LAMB4: variants seen among roughly 807,000 people sequenced by gnomAD.
LAMB4 encodes the protein laminin subunit beta 4.
A neutral mutation model predicts 199.2 loss-of-function variants in LAMB4; 196 were observed. That is an observed-to-expected ratio of 0.98 (90% CI 0.88 to 1.11). The LOEUF (loss-of-function observed/expected upper bound fraction) is 1.11. Ranked by LOEUF, LAMB4 falls within the 50% of genes least tolerant of loss-of-function variation. LAMB4 has a pLI of 0.00. For synonymous variants in LAMB4, 744 were observed against 770.6 expected (o/e 0.97, Z 0.57); for missense variants, 2,080 against 2,171.2 (o/e 0.96, Z 0.83).
intron 2 of LAMB4, among the ~76,000 whole-genome samples, chr7:108,117,473 G>GTAAA (rs1396463978): frequency 9.2e-5 from 14 of 152,146 alleles, no homozygotes; most frequent in African/African-American, 3.1e-4. Flanking sequence ...GAATCTTACT[G>GTAAA]GGGGTTAAGA....
intron 8 of LAMB4, 55 bp downstream of exon 8, chr7:108,105,762 A>T: frequency 6.9e-7 from 1 of 1,443,068 alleles, no homozygotes; most frequent in East Asian, 2.3e-5. Flanking sequence ...ATATAGCACC[A>T]GGACAGTGAA....
At chr7:108,098,378 C>CCT in intron 11 of LAMB4, 25 bp downstream of exon 11, 1 of 1,493,262 alleles carries the variant, frequency 6.7e-7, no homozygotes, top group Non-Finnish European at 8.9e-7. Context: ...ATGGACACTC[C>CCT]CCCGACCCCC....
At chr7:108,104,189 A>G (rs1288609670) in intron 9 of LAMB4, among the ~76,000 whole-genome samples, 1 of 152,146 alleles carries the variant, frequency 6.6e-6, no homozygotes, top group Non-Finnish European at 1.5e-5. Flanking sequence ...GTGTTCACCA[A>G]ATTCTTGGAG....
At chr7:108,067,995 C>G (rs1486486312) in intron 19 of LAMB4, 21 bp downstream of exon 19, 1 of 1,614,106 alleles carries the variant, frequency 6.2e-7, no homozygotes, top group Non-Finnish European at 8.5e-7. Context: ...AGTGTTTCCC[C>G]TTGTGTGTTT....
In LAMB4 at chr7:108,105,883, A is replaced by T. The variant is rs556427660; in HGVS notation, c.804T>A (p.Asn268Lys). The T allele has an allele frequency of 2.6e-5, 42 of 1,614,272 alleles. No homozygotes were observed. In the East Asian group the frequency reaches 8.5e-4, roughly 33 times the overall value. The change falls in exon 8 of 34, where the codon AAT becomes AAA. Residue 268 changes from asparagine to lysine, a missense_variant. By Grantham distance (94) the Asn-to-Lys change is moderately conservative (BLOSUM62 0). Coordinates refer to ENST00000388781, the MANE Select transcript of LAMB4 (RefSeq NM_007356.3). The part of the protein sequence containing the change: ...EMIVRGSCFC[N>K]GHASECRPMQ... ...TAGGGCGACATTCGCTAGCATGGCC[A>T]TTGCAAAAGCAGCTTCCCCGAACAA...
At chr7:108,025,745 G>T (rs1732163) in intron 33 of LAMB4, among the ~76,000 whole-genome samples, 30,653 of 151,980 alleles carry the variant, frequency 0.2, 7,206 homozygotes, top group African/African-American at 0.58. Context: ...TCAAATGTAG[G>T]TTATTTGGGA....
chr7:108,056,971 CAA>C (rs553536221), intron 24 of LAMB4, among the ~76,000 whole-genome samples: 69 of 51,738 alleles, frequency 1.3e-3, no homozygotes, highest in Middle Eastern at 0.01. Flanking sequence ...GACCCTGTCT[CAA>C]AAAAAAAAAA....
At chr7:108,032,005 C>A (rs539464463) in intron 31 of LAMB4, among the ~76,000 whole-genome samples, 43 of 152,252 alleles carry the variant, frequency 2.8e-4, no homozygotes, top group African/African-American at 1.0e-3. Context: ...AGTAAACAAT[C>A]TTATTTTGTA....
intron 18 of LAMB4, 129 bp downstream of exon 18, chr7:108,069,579 G>GTAC (rs1474448180): frequency 1.3e-6 from 1 of 772,418 alleles, no homozygotes; most frequent in East Asian, 2.5e-5. Context: ...ACCACTCTGT[G>GTAC]TATCTAATCA....
intron 23 of LAMB4, 36 bp downstream of exon 23, chr7:108,062,738 A>G (rs763402681): frequency 8.2e-7 from 1 of 1,212,542 alleles, no homozygotes; most frequent in East Asian, 2.8e-5. Flanking sequence ...TATCATGCTC[A>G]CTTTGAGTGC....
chr7:108,065,409 T>C (rs1563060002), intron 21 of LAMB4, among the ~76,000 whole-genome samples: 1 of 152,264 alleles, frequency 6.6e-6, no homozygotes, highest in Non-Finnish European at 1.5e-5. Context: ...ATTTATTTTT[T>C]AGTTGCTTGT....
At chr7:108,082,881 A>C (rs2037010037) in intron 14 of LAMB4, among the ~76,000 whole-genome samples, 1 of 152,134 alleles carries the variant, frequency 6.6e-6, no homozygotes, top group African/African-American at 2.4e-5. Context: ...TTAAAGCACC[A>C]GTCTTGTTTC....
At chr7:108,082,228 G>A (rs1481523374) in intron 14 of LAMB4, among the ~76,000 whole-genome samples, 2 of 151,938 alleles carry the variant, frequency 1.3e-5, no homozygotes, top group African/African-American at 4.8e-5. Context: ...TACTTGGGAG[G>A]CTGAGGCAGG....
At chr7:108,037,080 C>T (rs1292378811) in intron 30 of LAMB4, among the ~76,000 whole-genome samples, 1 of 151,898 alleles carries the variant, frequency 6.6e-6, no homozygotes, top group East Asian at 1.9e-4. Flanking sequence ...ATTCCAACCA[C>T]CTGTTAAAGT....
intron 16 of LAMB4, among the ~76,000 whole-genome samples, chr7:108,077,840 T>A (rs751447993): frequency 6.6e-6 from 1 of 152,248 alleles, no homozygotes; most frequent in Admixed American, 6.5e-5. Context: ...TTTTCCTTTC[T>A]TACATTTCAA....
At chr7:108,120,843 T>C (rs561301029) in intron 2 of LAMB4, among the ~76,000 whole-genome samples, 24 of 152,374 alleles carry the variant, frequency 1.6e-4, no homozygotes, top group Middle Eastern at 3.4e-3. Context: ...AGATTTAACA[T>C]GTTTTTATAA....
intron 2 of LAMB4, among the ~76,000 whole-genome samples, chr7:108,117,527 C>G (rs554175384): frequency 6.6e-6 from 1 of 152,248 alleles, no homozygotes; most frequent in Non-Finnish European, 1.5e-5. Context: ...TAATGAGTGT[C>G]TACTGTATTT....
chr7:108,031,006 G>T (rs766355268), intron 31 of LAMB4, 27 bp from the exon 32 acceptor site: 5 of 1,592,718 alleles, frequency 3.1e-6, no homozygotes, highest in Non-Finnish European at 3.4e-6. Flanking sequence ...GACCAAAAAG[G>T]GAAAATCTCT....
intron 17 of LAMB4, chr7:108,075,989 G>C (rs1022053760): frequency 1.5e-4 from 23 of 153,774 alleles, no homozygotes; most frequent in African/African-American, 5.6e-4. Context: ...TGGAAAATAT[G>C]TTCCAGAAAA....
Sources: gnomAD v4.1 joint callset for allele counts (sites outside exome capture counted in the v4.1 genomes callset) on GRCh38, gnomAD v4.1.1 for gene constraint, MANE v1.5 for transcripts, NCBI Gene and HGNC (gene_info 2026-07-23, HGNC 2026-07-21) for gene names.